Variants in C9 observed in about 807,000 individuals in gnomAD.
C9 encodes the protein complement component C9.
A neutral mutation model predicts 65.4 loss-of-function variants in C9; 63 were observed. That is an observed-to-expected ratio of 0.96 (90% CI 0.79 to 1.19). The LOEUF is 1.19. Among genes scored for constraint, C9 ranks in the 50% most tolerant of loss-of-function variants. The pLI is 0.00. For synonymous variants in C9, 229 were observed against 227.9 expected (o/e 1.00, Z -0.04); for missense variants, 744 against 670.1 (o/e 1.11, Z -1.22).
At chr5:39,325,248 AC>A (rs1323412383) in intron 5 of C9, among the ~76,000 whole-genome samples, 1 of 152,148 alleles carries the variant, frequency 6.6e-6, no homozygotes, top group Non-Finnish European at 1.5e-5. Context: ...CTTTTGAGGC[AC>A]CCCTCTGCCA....
intron 4 of C9, among the ~76,000 whole-genome samples, chr5:39,335,505 T>C (rs10054581): frequency 0.03 from 4,557 of 152,290 alleles, 212 homozygotes; most frequent in African/African-American, 0.1. Context: ...GTACAAACTT[T>C]TTTTCTCTTG....
intron 1 of C9, among the ~76,000 whole-genome samples, chr5:39,352,158 C>G (rs1754335099): frequency 6.6e-6 from 1 of 152,190 alleles, no homozygotes; most frequent in Admixed American, 6.5e-5. Flanking sequence ...TACTTCTAAA[C>G]AACCAGCTCT....
rs542766582 is a variant in C9 at position 39,284,472 on chromosome 5, A to G, written c.*727T>C. On this transcript the variant is annotated 3_prime_UTR_variant, in exon 11 of 11. Transcript: ENST00000263408. ...TTTTTCTTGTAAAATATGATCAAAT[A>G]GAAGGAATTTCACATAATTTAAACT... The G allele has an allele frequency of 1.4e-4, 22 of 152,360 alleles. No homozygotes were observed. The highest frequency in any genetic ancestry group is 5.0e-4 in the African/African-American group (21 of 41,586). 9.4% of individuals were successfully genotyped at this position (152,360 alleles called of 1,614,324 possible).
chr5:39,307,989 G>T (rs1579847649), intron 8 of C9, among the ~76,000 whole-genome samples: 1 of 152,160 alleles, frequency 6.6e-6, no homozygotes, highest in African/African-American at 2.4e-5. Flanking sequence ...AGTCTAAAAT[G>T]ACTACCGTGT....
intron 1 of C9, 61 bp downstream of exon 1, chr5:39,364,327 A>T: frequency 1.1e-6 from 1 of 882,918 alleles, no homozygotes; most frequent in Non-Finnish European, 1.9e-6. Context: ...TGCTAAGAAG[A>T]CCTTGAGATG....
intron 9 of C9, among the ~76,000 whole-genome samples, chr5:39,297,960 T>C (rs1306119671): frequency 1.3e-5 from 2 of 151,568 alleles, no homozygotes; most frequent in Non-Finnish European, 3.0e-5. Context: ...ATAATGAAAA[T>C]AATACAAAGT....
At chr5:39,316,164 G>A (rs1188234899) in intron 5 of C9, 135 bp from the exon 6 acceptor site, 5 of 679,278 alleles carry the variant, frequency 7.4e-6, no homozygotes, top group Non-Finnish European at 1.2e-5. Flanking sequence ...AAAAGTGATG[G>A]AGTCAGATTC....
intron 9 of C9, among the ~76,000 whole-genome samples, chr5:39,289,451 T>TC (rs1753050657): frequency 6.6e-6 from 1 of 151,384 alleles, no homozygotes; most frequent in African/African-American, 2.4e-5. Flanking sequence ...GTTTTTTTTT[T>TC]CCTCTAAAAG....
intron 4 of C9, among the ~76,000 whole-genome samples, chr5:39,335,563 A>G (rs1753948955): frequency 6.6e-6 from 1 of 152,210 alleles, no homozygotes; most frequent in Non-Finnish European, 1.5e-5. Context: ...CAGGTGTTAT[A>G]AATAACCCAG....
chr5:39,341,794 G>T, intron 2 of C9, 94 bp from the exon 3 acceptor site: 2 of 1,142,068 alleles, frequency 1.8e-6, no homozygotes, highest in Non-Finnish European at 2.6e-6. Context: ...CCTGCAATGA[G>T]TCAATGGTTT....
rs569083190 is a variant in C9 at position 39,292,357 on chromosome 5, A to T, written c.1417-3406T>A. ...CAAAAACAAAACAAAACAAAAAAAAATCCACACAAACTGTAAACATAGAAT... is the reference window on the plus strand; with the variant it reads ...CAAAAACAAAACAAAACAAAAAAAATTCCACACAAACTGTAAACATAGAAT... On this transcript the variant is annotated intron_variant, in intron 9 of 10. Coordinates refer to ENST00000263408, the MANE Select transcript of C9 (RefSeq NM_001737.5). 3.9e-5 allele frequency among the ~76,000 whole-genome samples: 6 copies of T among 151,964 alleles called. No homozygotes were observed. In the South Asian group the frequency reaches 1.0e-3, roughly 26 times the overall value.
intron 9 of C9, among the ~76,000 whole-genome samples, chr5:39,304,157 A>C (rs144312186): frequency 6.6e-6 from 1 of 152,106 alleles, no homozygotes; most frequent in East Asian, 1.9e-4. Flanking sequence ...GTTACAGGTC[A>C]TTTTGGTTAA....
intron 6 of C9, among the ~76,000 whole-genome samples, chr5:39,311,722 T>C (rs1431829983): frequency 6.6e-6 from 1 of 152,170 alleles, no homozygotes; most frequent in Non-Finnish European, 1.5e-5. Flanking sequence ...CAAAAGTATC[T>C]GTATAAGAAT....
In C9 at chr5:39,306,787, T is replaced by A; in HGVS notation, c.1246A>T (p.Ile416Phe). Residue 416 changes from isoleucine to phenylalanine, a missense_variant, in exon 9 of 11, where the codon ATC (isoleucine) becomes TTC (phenylalanine). By Grantham distance (21) the Ile-to-Phe change is conservative. Transcript: ENST00000263408. ...VKRGEGRAVN[I>F]TSENLIDDVV... Reference sequence around the variant, plus strand: ...TCATCTATGAGGTTTTCACTGGTGATGTTTACTGAGGAGAGAAGGAAGATT... The same window carrying A: ...TCATCTATGAGGTTTTCACTGGTGAAGTTTACTGAGGAGAGAAGGAAGATT... 6.2e-7 allele frequency: 1 copy of A among 1,609,696 alleles called. No individual in the cohort carries two copies. The highest frequency in any genetic ancestry group is 8.5e-7 in the Non-Finnish European group (1 of 1,176,140).
intron 9 of C9, 132 bp from the exon 10 acceptor site, chr5:39,289,083 A>C: frequency 1.5e-6 from 1 of 672,210 alleles, no homozygotes; most frequent in East Asian, 2.7e-5. Flanking sequence ...GTATTGCCAG[A>C]TGTGATGTTA....
intron 1 of C9, among the ~76,000 whole-genome samples, chr5:39,363,550 C>A (rs1032597796): frequency 1.3e-5 from 2 of 152,152 alleles, no homozygotes; most frequent in African/African-American, 2.4e-5. Flanking sequence ...GACATTTCCC[C>A]CCAGCCACAC....
At chr5:39,347,854 G>T (rs1028636968) in intron 1 of C9, among the ~76,000 whole-genome samples, 1 of 152,084 alleles carries the variant, frequency 6.6e-6, no homozygotes, top group African/African-American at 2.4e-5. Flanking sequence ...GGAGCCCTCA[G>T]AAATAATACC....
chr5:39,317,661 A>G (rs985438802), intron 5 of C9, among the ~76,000 whole-genome samples: 1 of 152,040 alleles, frequency 6.6e-6, no homozygotes, highest in Non-Finnish European at 1.5e-5. Flanking sequence ...GTAGGTGTGC[A>G]GTCTTATTTC....
intron 1 of C9, among the ~76,000 whole-genome samples, chr5:39,347,158 G>T (rs1264119290): frequency 6.6e-6 from 1 of 152,186 alleles, no homozygotes; most frequent in Non-Finnish European, 1.5e-5. Flanking sequence ...CATAGTGTTG[G>T]AAGTTCTGGC....
Sources: allele counts gnomAD v4.1 joint callset (sites outside exome capture counted in the v4.1 genomes callset), GRCh38; gene constraint gnomAD v4.1.1; transcripts MANE v1.5; gene names NCBI Gene and HGNC (gene_info 2026-07-23, HGNC 2026-07-21).